Variants in KIAA1217 observed in about 807,000 individuals in gnomAD.
KIAA1217 encodes KIAA1217.
A neutral mutation model predicts 163.9 loss-of-function variants in KIAA1217; 88 were observed. The ratio of observed to expected loss-of-function variants is 0.54; its 90% CI spans 0.45 to 0.64. The LOEUF (loss-of-function observed/expected upper bound fraction) is 0.64, where lower values mean the gene tolerates loss of function less well. Among genes scored for constraint, KIAA1217 ranks in the 30% least tolerant of loss-of-function variants. KIAA1217 has a pLI of 0.00. For synonymous variants in KIAA1217, 903 were observed against 923.1 expected, an observed-to-expected ratio of 0.98 and a Z score of 0.39; for missense variants, 2,372 against 2,475.0, an observed-to-expected ratio of 0.96 and a Z score of 0.88.
intron 1 of KIAA1217, among the ~76,000 whole-genome samples, chr10:23,847,296 T>G (rs1297213382): frequency 2.0e-5 from 3 of 152,158 alleles, no homozygotes; most frequent in Non-Finnish European, 4.4e-5. Context: ...ATTGGAATAG[T>G]TTCAGAAGAA....
intron 2 of KIAA1217, among the ~76,000 whole-genome samples, chr10:24,009,373 C>A (rs747612725): frequency 6.6e-6 from 1 of 151,226 alleles, no homozygotes; most frequent in Non-Finnish European, 1.5e-5. Context: ...AGCAGAACAT[C>A]GACAGGGATT....
rs778918296 is a variant in KIAA1217, at chr10:23,732,556, C to T, written c.-321+37322C>T. On this transcript the variant is annotated intron_variant, in intron 1 of 18. Coordinates refer to the KIAA1217 transcript ENST00000376462. ...TCTCTCTTTTTTCTTAGTCTGCCTA[C>T]AGGCTTACCAATTTTATTGATCTTT... Among the ~76,000 whole-genome samples the T allele has an allele frequency of 4.6e-5, 7 of 152,244 alleles. No homozygotes were observed. The South Asian group carries it at 1.0e-3, about 23-fold the overall frequency.
At position 24,402,523 on chromosome 10, in the gene KIAA1217, C is replaced by CAAAAAAAAAAA. The variant is rs1173653514; in HGVS notation, c.553+21460_553+21461insAAAAAAAAAAA. Among the ~76,000 whole-genome samples the CAAAAAAAAAAA allele has an allele frequency of 8.0e-4, 57 of 71,010 alleles. 1 individual carries two copies. The highest frequency in any genetic ancestry group is 2.5e-3 in the African/African-American group (54 of 21,446). The allele number at this position is 71,010 out of a possible 152,430, so 46.6% of individuals were successfully genotyped here. A position where few individuals can be genotyped will look rare whatever the true frequency, so the allele number is the denominator to read the frequency against. On this transcript the variant is annotated intron_variant, in intron 3 of 20. Transcript: ENST00000376454. ...GACTCCCTCTCAAAAAAACAAAAAA[C>CAAAAAAAAAAA]AAAACAAAAAAAAAAAAAAGGCAAA...
rs57863204 is a variant in KIAA1217 at position 24,318,717 on chromosome 10, C to G, written c.355-62152C>G. 4.2e-3 allele frequency among the ~76,000 whole-genome samples: 644 copies of G among 152,276 alleles called. 4 individuals carry two copies. The highest frequency in any genetic ancestry group is 0.014 in the African/African-American group (598 of 41,538). On this transcript the variant is annotated intron_variant, in intron 2 of 20. Coordinates refer to ENST00000376454, the MANE Select transcript of KIAA1217 (RefSeq NM_019590.5). ...ATCAGATTGGACAACATTTCCTATT[C>G]CGCTTTGATTTTTCTGCAGTACTGG... is the stretch of plus-strand genomic sequence containing the variant.
At chr10:23,892,848 C>T (rs1841472674) in intron 1 of KIAA1217, among the ~76,000 whole-genome samples, 1 of 151,872 alleles carries the variant, frequency 6.6e-6, no homozygotes, top group African/African-American at 2.4e-5. Flanking sequence ...CATCAACAAA[C>T]CACGACCTGG....
In KIAA1217 at chr10:24,546,418, TG is replaced by T; in HGVS notation, c.*95del. Reference sequence around the variant, plus strand: ...TTCACAAGAGAATGTAACATATTGCTGTATCGTTTGAGGCTTAATGCTAAAT... The same window carrying T: ...TTCACAAGAGAATGTAACATATTGCTTATCGTTTGAGGCTTAATGCTAAAT... On this transcript the variant is annotated 3_prime_UTR_variant, in exon 21 of 21. Coordinates refer to ENST00000376454, the MANE Select transcript of KIAA1217 (RefSeq NM_019590.5). 4 of 1,260,896 alleles carry T rather than the reference TG, an allele frequency of 3.2e-6. No individual in the cohort carries two copies. Among genetic ancestry groups the T allele is most frequent in the Non-Finnish European group, 4.4e-6 (4 of 917,958 alleles). 78.1% of individuals were successfully genotyped at this position (1,260,896 alleles called of 1,614,324 possible). A position where few individuals can be genotyped will look rare whatever the true frequency, so the allele number is the denominator to read the frequency against.
At chr10:23,963,604 G>A (rs1844918518) in intron 1 of KIAA1217, among the ~76,000 whole-genome samples, 1 of 152,174 alleles carries the variant, frequency 6.6e-6, no homozygotes, top group Non-Finnish European at 1.5e-5. Flanking sequence ...ATAGTAGAAT[G>A]ATTTACAATC....
At chr10:24,467,048 GTT>G (rs147832944) in intron 5 of KIAA1217, among the ~76,000 whole-genome samples, 1 of 149,274 alleles carries the variant, frequency 6.7e-6, no homozygotes, top group African/African-American at 2.5e-5. Flanking sequence ...TTTATACTAG[GTT>G]TTTTTTTTCT....
chr10:24,543,932 G>A lies in KIAA1217; in HGVS notation c.4662G>A (p.Ser1554=), dbSNP rs150327586. The change falls in exon 19 of 21, where the codon TCG becomes TCA. Residue 1554 remains serine (S), a synonymous_variant. Coordinates refer to ENST00000376454, the MANE Select transcript of KIAA1217 (RefSeq NM_019590.5). The part of the protein sequence containing the change: ...NKFSHVDSPN[S]ECKGEDATDD... ...TCAGCCACGTGGATTCTCCAAATTCGGAATGCAAGGGTGAGGACGCGACCG... is the reference window on the plus strand; with the variant it reads ...TCAGCCACGTGGATTCTCCAAATTCAGAATGCAAGGGTGAGGACGCGACCG... 4.2e-5 allele frequency: 68 copies of A among 1,613,860 alleles called. No homozygotes were observed. Among genetic ancestry groups the A allele is most frequent in the South Asian group, 1.8e-4 (16 of 91,054 alleles).
chr10:24,438,347 T>C (rs751192693), intron 4 of KIAA1217, 39 bp from the exon 5 acceptor site: 9 of 1,438,342 alleles, frequency 6.3e-6, no homozygotes, highest in Non-Finnish European at 7.8e-6. Flanking sequence ...AAGTCAGGCT[T>C]CTTTCATCTG....
chr10:24,188,828 G>A (rs1204140118), intron 2 of KIAA1217, among the ~76,000 whole-genome samples: 2 of 152,116 alleles, frequency 1.3e-5, no homozygotes, highest in Non-Finnish European at 2.9e-5. Context: ...TTCCTCGGCC[G>A]GGTGCAGTGG....
At chr10:24,074,239 C>T (rs898061030) in intron 2 of KIAA1217, among the ~76,000 whole-genome samples, 11 of 152,094 alleles carry the variant, frequency 7.2e-5, no homozygotes, top group Admixed American at 6.5e-5. Context: ...ATCCCAGTTA[C>T]TCAGGAGGCT....
In KIAA1217 at chr10:24,004,754, C is replaced by A. The variant is rs61440188; in HGVS notation, c.-320-2471C>A. Among the ~76,000 whole-genome samples the A allele has an allele frequency of 4.4e-3, 677 of 152,216 alleles. 6 individuals are homozygous for A. Among genetic ancestry groups the A allele is most frequent in the African/African-American group, 0.015 (629 of 41,532 alleles). Reference sequence around the variant, plus strand: ...CTCTTTTCTTCTTCTCTCTCACATGCAGAAAGGGAAAAGAAGAGAGCAAAA... The same window carrying A: ...CTCTTTTCTTCTTCTCTCTCACATGAAGAAAGGGAAAAGAAGAGAGCAAAA... On this transcript the variant is annotated intron_variant, in intron 1 of 18. Coordinates refer to the KIAA1217 transcript ENST00000376462.
intron 4 of KIAA1217, among the ~76,000 whole-genome samples, chr10:24,434,351 T>G (rs1038901640): frequency 2.0e-5 from 3 of 152,172 alleles, no homozygotes; most frequent in Non-Finnish European, 4.4e-5. Context: ...ATCTCTCTTT[T>G]TTTGAAGACA....
At chr10:24,143,824 A>C (rs1488218398) in intron 2 of KIAA1217, among the ~76,000 whole-genome samples, 6 of 150,564 alleles carry the variant, frequency 4.0e-5, no homozygotes, top group South Asian at 2.1e-4. Context: ...TAAAAAAAAA[A>C]AAAACAAAAA....
At chr10:23,970,466 G>T (rs889648444) in intron 1 of KIAA1217, among the ~76,000 whole-genome samples, 1 of 152,190 alleles carries the variant, frequency 6.6e-6, no homozygotes, top group Non-Finnish European at 1.5e-5. Flanking sequence ...TAGAGCAGTG[G>T]TTACCAGGAG....
chr10:24,203,488 G>C (rs2067376625), intron 2 of KIAA1217, among the ~76,000 whole-genome samples: 1 of 152,090 alleles, frequency 6.6e-6, no homozygotes, highest in Non-Finnish European at 1.5e-5. Context: ...GGGAAACAGG[G>C]AGAAGTGTAC....
rs896196588 is a variant in KIAA1217, at chr10:24,460,398, G to T, written c.847-12830G>T. On this transcript the variant is annotated intron_variant, in intron 5 of 20. Coordinates refer to ENST00000376454, the MANE Select transcript of KIAA1217 (RefSeq NM_019590.5). ...TTCACAGTGAAGATCATTCACAGTG[G>T]AGCAGGCGGCTCTTCTGAACCCAGG... 2.0e-5 allele frequency among the ~76,000 whole-genome samples: 3 copies of T among 152,160 alleles called. No homozygotes were observed. The East Asian group carries it at 5.8e-4, about 29-fold the overall frequency.
intron 1 of KIAA1217, among the ~76,000 whole-genome samples, chr10:23,827,773 C>T (rs1030331618): frequency 1.3e-5 from 2 of 152,148 alleles, no homozygotes; most frequent in Admixed American, 6.6e-5. Flanking sequence ...CCTGTGTGCA[C>T]GACAGCCTGA....
Sources: gnomAD v4.1 joint callset for allele counts (sites outside exome capture counted in the v4.1 genomes callset) on GRCh38, gnomAD v4.1.1 for gene constraint, MANE v1.5 for transcripts, NCBI Gene and HGNC (gene_info 2026-07-23, HGNC 2026-07-21) for gene names.